Variants in NRG3 observed in about 807,000 individuals in gnomAD.
NRG3 encodes the protein pro-neuregulin-3, membrane-bound isoform.
Under a neutral mutation model 66.9 loss-of-function variants are expected in NRG3, and 31 were observed. That is an observed-to-expected ratio of 0.46 (90% confidence interval 0.35 to 0.63). The LOEUF is 0.63. Among genes scored for constraint, NRG3 ranks in the 20% least tolerant of loss-of-function variants. NRG3 has a pLI of 0.00. For missense variants in NRG3, 910 were observed against 878.9 expected, an observed-to-expected ratio of 1.04 and a Z score of -0.45; for synonymous variants, 393 against 359.4, an observed-to-expected ratio of 1.09 and a Z score of -1.06.
intron 1 of NRG3, among the ~76,000 whole-genome samples, chr10:82,105,853 G>A (rs1276331172): frequency 6.6e-6 from 1 of 152,144 alleles, no homozygotes; most frequent in Non-Finnish European, 1.5e-5. Flanking sequence ...GAATTTCCAC[G>A]AATACTGCAG....
At chr10:82,442,105 A>G (rs1383033554) in intron 2 of NRG3, among the ~76,000 whole-genome samples, 1 of 152,148 alleles carries the variant, frequency 6.6e-6, no homozygotes, top group African/African-American at 2.4e-5. Context: ...ACATTCACTG[A>G]CCTGGTCCCT....
intron 2 of NRG3, among the ~76,000 whole-genome samples, chr10:82,736,868 G>T (rs2058179522): frequency 6.6e-6 from 1 of 152,112 alleles, no homozygotes; most frequent in African/African-American, 2.4e-5. Flanking sequence ...CTCTCACAAA[G>T]ATTGGAAATA....
chr10:82,379,929 A>G (rs2085502256), intron 2 of NRG3, among the ~76,000 whole-genome samples: 1 of 151,656 alleles, frequency 6.6e-6, no homozygotes, highest in Non-Finnish European at 1.5e-5. Context: ...AAAAAAAGAA[A>G]AAAAGGAAAA....
intron 6 of NRG3, among the ~76,000 whole-genome samples, chr10:82,970,826 A>T (rs556342329): frequency 5.3e-5 from 8 of 152,324 alleles, no homozygotes; most frequent in Admixed American, 1.3e-4. Flanking sequence ...ATATAGTTTT[A>T]TAAAGGTTTT....
intron 1 of NRG3, among the ~76,000 whole-genome samples, chr10:82,177,709 G>T (rs960760486): frequency 7.6e-4 from 115 of 152,128 alleles, no homozygotes; most frequent in African/African-American, 2.7e-3. Flanking sequence ...GGGTAGCTGG[G>T]ACCACAGGCG....
chr10:82,462,347 C>T (rs1299718123), intron 2 of NRG3, among the ~76,000 whole-genome samples: 3 of 151,870 alleles, frequency 2.0e-5, no homozygotes, highest in Non-Finnish European at 4.4e-5. Context: ...GTCTCTGCTG[C>T]TCTACCTTTA....
At chr10:82,156,256 A>ATT (rs143331059) in intron 1 of NRG3, among the ~76,000 whole-genome samples, 7 of 149,160 alleles carry the variant, frequency 4.7e-5, no homozygotes, top group African/African-American at 1.7e-4. Flanking sequence ...ATTTTCATTT[A>ATT]TTTTTTTTTT....
At chr10:82,936,954 A>G (rs376639450) in intron 4 of NRG3, among the ~76,000 whole-genome samples, 2 of 152,206 alleles carry the variant, frequency 1.3e-5, no homozygotes, top group East Asian at 3.9e-4. Flanking sequence ...GTTAAAATGA[A>G]TTAAGTTGAA....
chr10:82,110,920 T>C (rs1187440373), intron 1 of NRG3, among the ~76,000 whole-genome samples: 1 of 151,866 alleles, frequency 6.6e-6, no homozygotes, highest in Non-Finnish European at 1.5e-5. Context: ...TAAGTTTAGA[T>C]AGAGAAAAGA....
intron 4 of NRG3, among the ~76,000 whole-genome samples, chr10:82,892,809 C>T (rs1286546788): frequency 6.6e-6 from 1 of 151,806 alleles, no homozygotes; most frequent in Non-Finnish European, 1.5e-5. Flanking sequence ...ATTAATATCA[C>T]ATAATATAAA....
chr10:82,551,984 T>C (rs2044340521), intron 2 of NRG3, among the ~76,000 whole-genome samples: 1 of 152,116 alleles, frequency 6.6e-6, no homozygotes, highest in South Asian at 2.1e-4. Flanking sequence ...GTTGAGGGAC[T>C]GGGCCCATTC....
At chr10:82,699,858 T>C (rs762189383) in intron 2 of NRG3, among the ~76,000 whole-genome samples, 1 of 69,428 alleles carries the variant, frequency 1.4e-5, no homozygotes. Flanking sequence ...ATGGATGATC[T>C]GTGTGTGTGT....
At chr10:82,260,667 A>G (rs1426248497) in intron 1 of NRG3, among the ~76,000 whole-genome samples, 2 of 152,200 alleles carry the variant, frequency 1.3e-5, no homozygotes, top group African/African-American at 4.8e-5. Context: ...CAGAGAGACC[A>G]TTTTAGTCTT....
intron 2 of NRG3, among the ~76,000 whole-genome samples, chr10:82,541,237 G>C (rs1197710006): frequency 6.6e-6 from 1 of 152,036 alleles, no homozygotes; most frequent in Non-Finnish European, 1.5e-5. Context: ...AATATGAGTA[G>C]AAATAAATTT....
intron 1 of NRG3, among the ~76,000 whole-genome samples, chr10:81,949,361 A>G (rs1849128519): frequency 6.6e-6 from 1 of 152,206 alleles, no homozygotes. Context: ...TTTACTACAC[A>G]CATAGATAGA....
intron 4 of NRG3, among the ~76,000 whole-genome samples, chr10:82,937,341 A>G (rs1455690113): frequency 1.3e-5 from 2 of 152,322 alleles, no homozygotes; most frequent in Non-Finnish European, 1.5e-5. Flanking sequence ...TATGATCATC[A>G]CCACATTTCA....
chr10:82,353,128 T>C (rs1306518907), intron 1 of NRG3, among the ~76,000 whole-genome samples: 1 of 152,148 alleles, frequency 6.6e-6, no homozygotes, highest in African/African-American at 2.4e-5. Context: ...TGGTGTCACA[T>C]TAACTGAGAC....
intron 2 of NRG3, among the ~76,000 whole-genome samples, chr10:82,447,725 T>A (rs1361274121): frequency 6.6e-6 from 1 of 152,228 alleles, no homozygotes; most frequent in Non-Finnish European, 1.5e-5. Context: ...ATTGCAAAAG[T>A]ATTACTGAAC....
At chr10:82,864,246 A>G (rs548945401) in intron 3 of NRG3, among the ~76,000 whole-genome samples, 1 of 152,304 alleles carries the variant, frequency 6.6e-6, no homozygotes, top group African/African-American at 2.4e-5. Context: ...CTTTTGCACC[A>G]ACTTAATAAT....
Sources: allele counts gnomAD v4.1 joint callset (sites outside exome capture counted in the v4.1 genomes callset), GRCh38; gene constraint gnomAD v4.1.1; transcripts MANE v1.5; gene names NCBI Gene and HGNC (gene_info 2026-07-23, HGNC 2026-07-21).